Variants in CAMTA1 observed in about 807,000 individuals in gnomAD.
CAMTA1 encodes the protein calmodulin binding transcription activator 1, also known as calmodulin-binding transcription activator 1.
A neutral mutation model predicts 170.9 loss-of-function variants in CAMTA1; 27 were observed. The observed-to-expected ratio is 0.16, with a 90% confidence interval of 0.12 to 0.22. CAMTA1 has a LOEUF of 0.22. CAMTA1 is among the 10% of genes least tolerant of loss of function. The pLI, the probability that CAMTA1 is intolerant of heterozygous loss-of-function variation, is 1.00. For missense variants in CAMTA1, 1,619 were observed against 2,217.2 expected, an observed-to-expected ratio of 0.73 and a Z score of 5.42; for synonymous variants, 833 against 891.5, an observed-to-expected ratio of 0.93 and a Z score of 1.17.
chr1:6,837,600 T>C (rs1653798489), intron 3 of CAMTA1, among the ~76,000 whole-genome samples: 1 of 152,182 alleles, frequency 6.6e-6, no homozygotes, highest in African/African-American at 2.4e-5. Context: ...AGTATAGTCA[T>C]TTCCCGTTTT....
intron 4 of CAMTA1, among the ~76,000 whole-genome samples, chr1:7,183,516 C>G (rs1031014858): frequency 1.3e-5 from 2 of 152,194 alleles, no homozygotes; most frequent in African/African-American, 4.8e-5. Context: ...ACAAGGTTAT[C>G]CACTGCAGCA....
chr1:7,160,361 T>C (rs1438526396), intron 4 of CAMTA1, among the ~76,000 whole-genome samples: 3 of 152,204 alleles, frequency 2.0e-5, no homozygotes, highest in Non-Finnish European at 4.4e-5. Context: ...AGTGGCTGTC[T>C]TTACCTTGTC....
At chr1:7,632,027 TGCCG>T (rs2095673121) in intron 6 of CAMTA1, among the ~76,000 whole-genome samples, 2 of 152,060 alleles carry the variant, frequency 1.3e-5, no homozygotes, top group African/African-American at 4.8e-5. Context: ...TGTCGCCCAG[TGCCG>T]CCCAGTGCCG....
rs1708653086 is a variant in CAMTA1, at chr1:7,064,139, C to T, written c.235-27165C>T. Among the ~76,000 whole-genome samples the T allele has an allele frequency of 6.6e-6, 1 of 151,280 alleles. No homozygotes were observed. The highest frequency in any genetic ancestry group is 6.6e-5 in the Admixed American group (1 of 15,184). ...CCTCCTCCTTCTTCTTCTCCTCCTC[C>T]TCCTTCTCTTCTTCCCTCCTCCTCC... On this transcript the variant is annotated intron_variant, in intron 3 of 22. Coordinates refer to ENST00000303635, the MANE Select transcript of CAMTA1 (RefSeq NM_015215.4). The surrounding 1 kb of genome is among the most constrained non-coding windows in gnomAD (Gnocchi z 5.4).
rs1409637040 is a variant in CAMTA1 at position 7,685,412 on chromosome 1, TCCTGCCGAGACCACAGCACATC to T, written c.2914+7684_2914+7705del. On this transcript the variant is annotated intron_variant, in intron 11 of 22. Coordinates refer to ENST00000303635, the MANE Select transcript of CAMTA1 (RefSeq NM_015215.4). This position sits in a 1 kb window ranked among gnomAD's most constrained non-coding sequence, Gnocchi z 5.7. ...CCATGAACACACTGACCAGCTTGGC[TCCTGCCGAGACCACAGCACATC>T]CCTGTGGACCCCACGGCCTGATTGT... 6.6e-6 allele frequency among the ~76,000 whole-genome samples: 1 copy of T among 152,086 alleles called. No homozygotes were observed. Among genetic ancestry groups the T allele is most frequent in the Non-Finnish European group, 1.5e-5 (1 of 68,006 alleles).
intron 9 of CAMTA1, 23 bp from the exon 10 acceptor site, chr1:7,670,888 G>A: frequency 6.2e-7 from 1 of 1,612,610 alleles, no homozygotes; most frequent in African/African-American, 1.3e-5. Flanking sequence ...CTCCAACTCT[G>A]TTCCCCTCTC....
intron 6 of CAMTA1, among the ~76,000 whole-genome samples, chr1:7,594,397 A>C (rs1372654378): frequency 6.6e-6 from 1 of 152,222 alleles, no homozygotes; most frequent in Non-Finnish European, 1.5e-5. Context: ...ACAGGGGCAG[A>C]GCTGGTGAGC....
At chr1:7,277,318 A>C (rs995858828) in intron 5 of CAMTA1, among the ~76,000 whole-genome samples, 7 of 152,256 alleles carry the variant, frequency 4.6e-5, no homozygotes, top group Non-Finnish European at 8.8e-5. Flanking sequence ...TTCAATACTT[A>C]ATCTAAAGCT....
At position 7,234,161 on chromosome 1, in the gene CAMTA1, T is replaced by C. The variant is rs1248607616; in HGVS notation, c.303-15330T>C. ...GCCCAGATTACTTGGGGTGAGCCGC[T>C]CTCTCGCCCCGTCTCCTGCCCCTGC... On this transcript the variant is annotated intron_variant, in intron 4 of 22. Coordinates refer to ENST00000303635, the MANE Select transcript of CAMTA1 (RefSeq NM_015215.4). The surrounding 1 kb of genome is among the most constrained non-coding windows in gnomAD (Gnocchi z 5.0). Among the ~76,000 whole-genome samples, 1 of 152,134 alleles carries C rather than the reference T, an allele frequency of 6.6e-6. No homozygotes were observed.
At chr1:6,981,542 C>T (rs1182123096) in intron 3 of CAMTA1, among the ~76,000 whole-genome samples, 2 of 151,294 alleles carry the variant, frequency 1.3e-5, no homozygotes, top group East Asian at 3.9e-4. Context: ...AAGTGATCCT[C>T]CCATCTCAGC....
intron 4 of CAMTA1, among the ~76,000 whole-genome samples, chr1:7,095,200 G>A (rs759710951): frequency 1.3e-5 from 2 of 152,156 alleles, no homozygotes; most frequent in Non-Finnish European, 2.9e-5. Flanking sequence ...GCACGAAGAG[G>A]AGAGGGATTT....
intron 4 of CAMTA1, among the ~76,000 whole-genome samples, chr1:7,218,268 T>TA (rs1660103381): frequency 6.6e-6 from 1 of 152,228 alleles, no homozygotes; most frequent in South Asian, 2.1e-4. Flanking sequence ...TTTGTAGTGT[T>TA]ATGACACAGT....
chr1:7,230,119 C>T (rs190149790), intron 4 of CAMTA1, among the ~76,000 whole-genome samples: 1 of 152,108 alleles, frequency 6.6e-6, no homozygotes, highest in African/African-American at 2.4e-5. Flanking sequence ...TGTCCCCCCC[C>T]ACCACATCTG....
At chr1:6,984,919 A>G (rs541354190) in intron 3 of CAMTA1, among the ~76,000 whole-genome samples, 1 of 152,340 alleles carries the variant, frequency 6.6e-6, no homozygotes, top group Admixed American at 6.5e-5. Flanking sequence ...CTGGGGTCAC[A>G]CATTCGGACT....
intron 5 of CAMTA1, among the ~76,000 whole-genome samples, chr1:7,457,021 C>T (rs2092970133): frequency 6.7e-6 from 1 of 149,686 alleles, no homozygotes; most frequent in Admixed American, 6.6e-5. Context: ...TTCCTCCCTC[C>T]CTTCCATTTC....
At chr1:6,811,338 T>C (rs891547966) in intron 1 of CAMTA1, among the ~76,000 whole-genome samples, 3 of 152,248 alleles carry the variant, frequency 2.0e-5, no homozygotes, top group African/African-American at 7.2e-5. Context: ...TACATTTTCC[T>C]TAATAACTTG....
At chr1:7,758,814 A>T (rs1356585928) in intron 22 of CAMTA1, among the ~76,000 whole-genome samples, 1 of 151,540 alleles carries the variant, frequency 6.6e-6, no homozygotes, top group Non-Finnish European at 1.5e-5. Flanking sequence ...GGGCGCCTGT[A>T]GTCCCAGCTA....
intron 5 of CAMTA1, among the ~76,000 whole-genome samples, chr1:7,402,349 A>G (rs1033092784): frequency 3.9e-5 from 6 of 151,962 alleles, no homozygotes; most frequent in South Asian, 2.1e-4. Flanking sequence ...TCACCTTTCT[A>G]TTTTAACCAT....
chr1:7,566,808 G>A (rs982535407), intron 6 of CAMTA1, among the ~76,000 whole-genome samples: 19 of 152,192 alleles, frequency 1.2e-4, no homozygotes, highest in Admixed American at 6.5e-5. Flanking sequence ...TGCGGGGAGG[G>A]CAATGAGACC....
Sources: allele counts gnomAD v4.1 joint callset (sites outside exome capture counted in the v4.1 genomes callset), GRCh38; gene constraint gnomAD v4.1.1; non-coding constraint Gnocchi (gnomAD v3.1); transcripts MANE v1.5; gene names NCBI Gene and HGNC (gene_info 2026-07-23, HGNC 2026-07-21).